The following ANKFY1 variants were observed in gnomAD, a reference collection of about 807,000 sequenced individuals.
ANKFY1 encodes the protein ankyrin repeat and FYVE domain-containing protein 1.
In ANKFY1, 47 loss-of-function variants were observed where a neutral mutation model predicts 128.3. The observed-to-expected ratio is 0.37, with a 90% CI of 0.29 to 0.47. ANKFY1 has a LOEUF of 0.47. Ranked by LOEUF, ANKFY1 falls within the 20% of genes least tolerant of loss-of-function variation. The pLI is 1.00. For synonymous variants in ANKFY1, 553 were observed against 601.6 expected (o/e 0.92, Z 1.18); for missense variants, 1,222 against 1,510.6 (o/e 0.81, Z 3.17).
chr17:4,240,759 A>C (rs1224114724), intron 2 of ANKFY1, among the ~76,000 whole-genome samples: 4 of 152,140 alleles, frequency 2.6e-5, no homozygotes, highest in African/African-American at 9.7e-5. Context: ...ACACAGCTTT[A>C]CTTCCTAGAA....
intron 1 of ANKFY1, among the ~76,000 whole-genome samples, chr17:4,243,750 C>T (rs1967380457): frequency 1.3e-5 from 2 of 152,140 alleles, no homozygotes; most frequent in South Asian, 4.1e-4. Flanking sequence ...CAGATGGAGG[C>T]ATGCCATCTT....
intron 2 of ANKFY1, among the ~76,000 whole-genome samples, chr17:4,239,742 TTGG>T (rs1409297363): frequency 6.6e-6 from 1 of 152,130 alleles, no homozygotes; most frequent in African/African-American, 2.4e-5. Context: ...TTTCCTCATG[TTGG>T]TCAGTCTGGT....
At chr17:4,218,343 T>G (rs1383570050) in intron 3 of ANKFY1, among the ~76,000 whole-genome samples, 1 of 152,190 alleles carries the variant, frequency 6.6e-6, no homozygotes, top group Non-Finnish European at 1.5e-5. Flanking sequence ...TTAAATAAAT[T>G]ACAATATACA....
At chr17:4,243,984 G>A (rs973424651) in intron 1 of ANKFY1, among the ~76,000 whole-genome samples, 2 of 150,548 alleles carry the variant, frequency 1.3e-5, no homozygotes, top group Non-Finnish European at 3.0e-5. Context: ...GGGCTAGAGT[G>A]CAGTGGCACA....
chr17:4,168,129 G>T, intron 24 of ANKFY1: 23 of 356,556 alleles, frequency 6.5e-5, no homozygotes, highest in Middle Eastern at 8.3e-4. Flanking sequence ...CAATACTGAA[G>T]AAGGCTTTTT....
At chr17:4,201,985 A>G (rs1598064413) in intron 7 of ANKFY1, among the ~76,000 whole-genome samples, 1 of 152,272 alleles carries the variant, frequency 6.6e-6, no homozygotes, top group South Asian at 2.1e-4. Context: ...GGGAGTAGAA[A>G]GAAACTTTAG....
chr17:4,176,312 C>T (rs763232659), intron 19 of ANKFY1, among the ~76,000 whole-genome samples: 2 of 152,212 alleles, frequency 1.3e-5, no homozygotes, highest in Non-Finnish European at 2.9e-5. Flanking sequence ...GGTGCCTTAG[C>T]GGCCAGTTCT....
Position 4,195,240 on chromosome 17 carries a change from C to A in ANKFY1, c.1173-63G>T. On this transcript the variant is annotated intron_variant, in intron 9 of 24. Coordinates refer to ENST00000341657, the MANE Select transcript of ANKFY1 (RefSeq NM_001330063.2). Reference sequence around the variant, plus strand: ...TTTTTGAGACACTCTATACTGACAACAACCTGGTTCTTTCTCTTTACCCTT... The same window carrying A: ...TTTTTGAGACACTCTATACTGACAAAAACCTGGTTCTTTCTCTTTACCCTT... 1.3e-6 allele frequency: 2 copies of A among 1,499,222 alleles called. 1 individual carries two copies. The highest frequency in any genetic ancestry group is 1.8e-6 in the Non-Finnish European group (2 of 1,103,442). 92.9% of individuals were successfully genotyped at this position (1,499,222 alleles called of 1,614,324 possible).
chr17:4,220,229 T>C (rs2060287163), intron 3 of ANKFY1, among the ~76,000 whole-genome samples: 1 of 152,148 alleles, frequency 6.6e-6, no homozygotes, highest in South Asian at 2.1e-4. Context: ...CTAAGCTGTC[T>C]AAGATCACCA....
intron 4 of ANKFY1, among the ~76,000 whole-genome samples, chr17:4,211,351 G>A (rs2060126864): frequency 1.3e-5 from 2 of 150,908 alleles, no homozygotes; most frequent in African/African-American, 4.9e-5. Context: ...GAGCTGAGAC[G>A]GTGCCACTGC....
rs374335125 is a variant in ANKFY1, at chr17:4,182,233, G to A, written c.2069C>T (p.Pro690Leu). ...GTTTGCCAATGCAAGCCACAGCGGG[G>A]GGTTCCCCTTCTCATCTGGCACAGA... The part of the protein sequence containing the change: ...DMSVPDEKGN[P>L]PLWLALANNL... Residue 690 changes from proline to leucine, a missense_variant, in exon 15 of 25, where the codon CCC (proline) becomes CTC (leucine). Transcript: ENST00000341657. The A allele has an allele frequency of 6.8e-5, 107 of 1,583,528 alleles. 2 individuals are homozygous for A. The Middle Eastern group carries it at 1.0e-3, about 15-fold the overall frequency.
chr17:4,235,997 A>C, intron 2 of ANKFY1, 107 bp from the exon 3 acceptor site: 1 of 753,166 alleles, frequency 1.3e-6, no homozygotes, highest in South Asian at 1.7e-5. Context: ...ATACATCTGC[A>C]AAAGAAAAAA....
rs778916968 is a variant in ANKFY1 at position 4,189,374 on chromosome 17, A to T, written c.1470+8T>A. The T allele has an allele frequency of 9.6e-6, 15 of 1,569,108 alleles. 1 individual carries two copies. In the South Asian group the frequency reaches 1.7e-4, roughly 18 times the overall value. On this transcript the variant is annotated splice_region_variant and intron_variant, in intron 11 of 24. Transcript: ENST00000341657. ...CACCATTTTCTCCGGCTGCCCTGTC[A>T]CACTTACCCACTTGTTTCTGTGGTT...
In ANKFY1 at chr17:4,174,578, G is replaced by T. The variant is rs189264156; in HGVS notation, c.2776-522C>A. Among the ~76,000 whole-genome samples the T allele has an allele frequency of 2.1e-3, 315 of 152,284 alleles. 2 individuals are homozygous for T. The highest frequency in any genetic ancestry group is 3.3e-3 in the Non-Finnish European group (227 of 68,024). Reference sequence around the variant, plus strand: ...CAGAGCTCTGTGTACACACAAGCATGCAGGCACAGAGGCACTTGGAAGGTG... The same window carrying T: ...CAGAGCTCTGTGTACACACAAGCATTCAGGCACAGAGGCACTTGGAAGGTG... On this transcript the variant is annotated intron_variant, in intron 19 of 24. Transcript: ENST00000341657.
chr17:4,256,670 C>A (rs1968148492), intron 1 of ANKFY1, among the ~76,000 whole-genome samples: 1 of 152,138 alleles, frequency 6.6e-6, no homozygotes, highest in Non-Finnish European at 1.5e-5. Flanking sequence ...CCTGGTATAA[C>A]TAGAAAGCAA....
Position 4,178,460 on chromosome 17 carries a change from G to A in ANKFY1, c.2598+397C>T, listed in dbSNP as rs2059449333. ...AACCACAAAGAACAAGGACAGCCGA[G>A]GCTACTGAGCAACTGAACTCCTCGG... On this transcript the variant is annotated intron_variant, in intron 18 of 24. Coordinates refer to ENST00000341657, the MANE Select transcript of ANKFY1 (RefSeq NM_001330063.2). This position sits in a 1 kb window ranked among gnomAD's most constrained non-coding sequence, Gnocchi z 4.1. 2 of 227,356 alleles carry A rather than the reference G, an allele frequency of 8.8e-6. No homozygotes were observed. The highest frequency in any genetic ancestry group is 9.9e-5 in the Admixed American group (2 of 20,262). 14.1% of individuals were successfully genotyped at this position (227,356 alleles called of 1,614,324 possible). A position where few individuals can be genotyped will look rare whatever the true frequency, so the allele number is the denominator to read the frequency against.
chr17:4,167,672 G>A lies in ANKFY1; in HGVS notation c.*107C>T, dbSNP rs940287352. On this transcript the variant is annotated 3_prime_UTR_variant, in exon 25 of 25. Coordinates refer to ENST00000341657, the MANE Select transcript of ANKFY1 (RefSeq NM_001330063.2). The surrounding 1 kb of genome is among the most constrained non-coding windows in gnomAD (Gnocchi z 4.1). The stretch of plus-strand genomic sequence containing the variant: ...TCCTTAATCGTTCCAGTCTATTGCC[G>A]CAGGAAGACACCCGCCAGCTCCTGC... 1.3e-5 allele frequency: 15 copies of A among 1,159,772 alleles called. No individual in the cohort carries two copies. The African/African-American group carries it at 1.4e-4, about 11-fold the overall frequency. The allele number at this position is 1,159,772 out of a possible 1,614,324, so 71.8% of individuals were successfully genotyped here.
chr17:4,175,935 G>GC (rs2059404265), intron 19 of ANKFY1, among the ~76,000 whole-genome samples: 1 of 152,168 alleles, frequency 6.6e-6, no homozygotes, highest in African/African-American at 2.4e-5. Flanking sequence ...GTCATGCCGG[G>GC]CCCCAGGAAG....
chr17:4,263,907 G>C, intron 1 of ANKFY1, 25 bp downstream of exon 1: 1 of 1,613,832 alleles, frequency 6.2e-7, no homozygotes, highest in African/African-American at 1.3e-5. Flanking sequence ...GTGTCTTCCC[G>C]CGCGGCTCCA....
Sources: gnomAD v4.1 joint callset for allele counts (sites outside exome capture counted in the v4.1 genomes callset) on GRCh38, gnomAD v4.1.1 for gene constraint, Gnocchi (gnomAD v3.1) non-coding constraint, MANE v1.5 for transcripts, NCBI Gene and HGNC (gene_info 2026-07-23, HGNC 2026-07-21) for gene names.